BTBD9: variants seen among roughly 807,000 people sequenced by gnomAD.
The protein encoded by BTBD9 is BTB/POZ domain-containing protein 9.
A neutral mutation model predicts 64.3 loss-of-function variants in BTBD9; 49 were observed. The observed-to-expected ratio is 0.76, with a 90% CI of 0.61 to 0.97. The LOEUF (loss-of-function observed/expected upper bound fraction) is 0.97. Ranked by LOEUF, BTBD9 falls within the 50% of genes least tolerant of loss-of-function variation. The pLI is 0.00. For synonymous variants in BTBD9, 260 were observed against 274.7 expected, an observed-to-expected ratio of 0.95 and a Z score of 0.53; for missense variants, 598 against 762.1, an observed-to-expected ratio of 0.78 and a Z score of 2.53.
At chr6:38,277,049 A>C (rs1329003894) in intron 8 of BTBD9, among the ~76,000 whole-genome samples, 1 of 152,330 alleles carries the variant, frequency 6.6e-6, no homozygotes, top group African/African-American at 2.4e-5. Context: ...TAGTTAACTA[A>C]AGTAAAACGA....
chr6:38,194,382 G>A (rs1440051394), intron 9 of BTBD9, among the ~76,000 whole-genome samples: 5 of 152,198 alleles, frequency 3.3e-5, no homozygotes, highest in Non-Finnish European at 2.9e-5. Flanking sequence ...CTCAGGCCAC[G>A]CCTCCAGAAA....
intron 6 of BTBD9, among the ~76,000 whole-genome samples, chr6:38,557,828 G>A (rs558415785): frequency 6.6e-6 from 1 of 152,320 alleles, no homozygotes; most frequent in East Asian, 1.9e-4. Context: ...CTTTCTCAGT[G>A]ACAATGTATA....
intron 9 of BTBD9, among the ~76,000 whole-genome samples, chr6:38,239,438 C>CAAAAAA (rs750690746): frequency 3.4e-5 from 2 of 59,054 alleles, no homozygotes; most frequent in Admixed American, 1.9e-4. Flanking sequence ...GACTCTGTCT[C>CAAAAAA]AAAAAAAAAA....
Position 38,579,767 on chromosome 6 carries a change from T to G in BTBD9, c.1034+451A>C, listed in dbSNP as rs550913585. Reference sequence around the variant, plus strand: ...TTAAAAATACATTTTAGAGGAATATTTTTTAAAGGGTAGAGTGTTCACAAT... The same window carrying G: ...TTAAAAATACATTTTAGAGGAATATGTTTTAAAGGGTAGAGTGTTCACAAT... On this transcript the variant is annotated intron_variant, in intron 5 of 10. Transcript: ENST00000481247. Among the ~76,000 whole-genome samples, 6 of 152,370 alleles carry G rather than the reference T, an allele frequency of 3.9e-5. No individual in the cohort carries two copies. The South Asian group carries it at 1.2e-3, about 32-fold the overall frequency.
chr6:38,619,004 T>C (rs763737786), intron 1 of BTBD9, among the ~76,000 whole-genome samples: 9 of 152,152 alleles, frequency 5.9e-5, no homozygotes, highest in Admixed American at 2.6e-4. Flanking sequence ...TTGACCTGTG[T>C]TCTAGAAGGA....
At chr6:38,176,110 A>G (rs377647964) in intron 10 of BTBD9, among the ~76,000 whole-genome samples, 8 of 152,122 alleles carry the variant, frequency 5.3e-5, no homozygotes, top group Non-Finnish European at 5.9e-5. Flanking sequence ...AGAGTAGACA[A>G]CGTGCTTCGG....
chr6:38,519,915 A>T (rs1489261660), intron 6 of BTBD9, among the ~76,000 whole-genome samples: 1 of 152,226 alleles, frequency 6.6e-6, no homozygotes, highest in African/African-American at 2.4e-5. Context: ...AGCATTGCAG[A>T]CAAAGAAAGA....
intron 9 of BTBD9, among the ~76,000 whole-genome samples, chr6:38,198,181 GAT>G (rs944449628): frequency 6.6e-6 from 1 of 152,070 alleles, no homozygotes; most frequent in Admixed American, 6.5e-5. Context: ...AGGAGAAAGG[GAT>G]TAAAACAATG....
At chr6:38,198,248 T>C (rs1762333797) in intron 9 of BTBD9, among the ~76,000 whole-genome samples, 2 of 151,438 alleles carry the variant, frequency 1.3e-5, no homozygotes, top group Admixed American at 1.3e-4. Flanking sequence ...AAACTATAAA[T>C]ATAAAAATTA....
At chr6:38,430,264 G>C (rs1351269922) in intron 6 of BTBD9, among the ~76,000 whole-genome samples, 8 of 151,766 alleles carry the variant, frequency 5.3e-5, no homozygotes, top group Non-Finnish European at 4.4e-5. Context: ...CTGTTGCCCA[G>C]GCTGGAGTGC....
chr6:38,531,403 A>G (rs946664065), intron 6 of BTBD9, among the ~76,000 whole-genome samples: 1 of 152,222 alleles, frequency 6.6e-6, no homozygotes, highest in Admixed American at 6.5e-5. Context: ...AAGCTGAGGG[A>G]TTTCATCAAC....
intron 6 of BTBD9, among the ~76,000 whole-genome samples, chr6:38,349,882 C>A (rs1222614939): frequency 6.6e-6 from 1 of 152,160 alleles, no homozygotes; most frequent in East Asian, 1.9e-4. Flanking sequence ...GATTTCCTAG[C>A]TCTGTGGCAC....
chr6:38,415,454 G>T (rs1437143061), intron 6 of BTBD9, among the ~76,000 whole-genome samples: 3 of 152,092 alleles, frequency 2.0e-5, no homozygotes, highest in Non-Finnish European at 4.4e-5. Context: ...CCTCTAGAAA[G>T]GAATGCAGCC....
chr6:38,174,970 G>C lies in BTBD9; in HGVS notation c.*15C>G. 6.2e-7 allele frequency: 1 copy of C among 1,613,242 alleles called. No individual in the cohort carries two copies. The highest frequency in any genetic ancestry group is 1.1e-5 in the South Asian group (1 of 91,066). ...TGCCCGAGCCCACCAAGTCACACCA[G>C]GCCCGCTGCCTCCTTTATTGGTGCT... On this transcript the variant is annotated 3_prime_UTR_variant, in exon 11 of 11. Transcript: ENST00000481247.
intron 8 of BTBD9, among the ~76,000 whole-genome samples, chr6:38,262,178 T>C (rs926582132): frequency 2.0e-5 from 3 of 152,216 alleles, no homozygotes; most frequent in African/African-American, 7.2e-5. Context: ...AATGTTTGCA[T>C]GGTGAGCTCA....
chr6:38,465,747 ATATATATATGTATG>A (rs1438234602), intron 6 of BTBD9, among the ~76,000 whole-genome samples: 85 of 43,096 alleles, frequency 2.0e-3, no homozygotes, highest in African/African-American at 6.5e-3. Flanking sequence ...ATATATATAT[ATATATATATGTATG>A]TATGTATGTA....
chr6:38,220,815 T>G (rs1763174206), intron 9 of BTBD9, among the ~76,000 whole-genome samples: 1 of 152,208 alleles, frequency 6.6e-6, no homozygotes, highest in Non-Finnish European at 1.5e-5. Flanking sequence ...CTTCTTGAGA[T>G]TCTTGGGACA....
Position 38,590,425 on chromosome 6 carries a change from G to A in BTBD9, c.814+2151C>T, listed in dbSNP as rs193017572. 2.2e-3 allele frequency among the ~76,000 whole-genome samples: 329 copies of A among 152,304 alleles called. 1 individual carries two copies. Among genetic ancestry groups the A allele is most frequent in the Non-Finnish European group, 3.4e-3 (234 of 68,002 alleles). On this transcript the variant is annotated intron_variant, in intron 4 of 10. Coordinates refer to ENST00000481247, the MANE Select transcript of BTBD9 (RefSeq NM_001099272.2). ...GTAAGTGACTAATTCAGGATTTGAA[G>A]TCAAATTTGTCTGGGCCAAAACCTA...
chr6:38,377,792 AT>A (rs570396818), intron 6 of BTBD9, among the ~76,000 whole-genome samples: 21 of 152,112 alleles, frequency 1.4e-4, no homozygotes, highest in Admixed American at 2.0e-4. Context: ...TCCACATAGT[AT>A]TTTTTTTCTT....
Sources: gnomAD v4.1 joint callset for allele counts (sites outside exome capture counted in the v4.1 genomes callset) on GRCh38, gnomAD v4.1.1 for gene constraint, MANE v1.5 for transcripts, NCBI Gene and HGNC (gene_info 2026-07-23, HGNC 2026-07-21) for gene names.